The following ANK1 variants were observed in gnomAD, a reference collection of about 807,000 sequenced individuals.
The protein encoded by ANK1 is ankyrin-1.
In ANK1, 51 loss-of-function variants were observed where a neutral mutation model predicts 210.4. That is an observed-to-expected ratio of 0.24 (90% CI 0.19 to 0.31). The LOEUF (loss-of-function observed/expected upper bound fraction) is 0.31, where lower values mean the gene tolerates loss of function less well. Among genes scored for constraint, ANK1 ranks in the 10% least tolerant of loss-of-function variants. The probability of loss-of-function intolerance (pLI) is 1.00; values close to 1 mark genes in which losing one functional copy is unlikely to be tolerated. For synonymous variants in ANK1, 967 were observed against 1,025.9 expected, an observed-to-expected ratio of 0.94 and a Z score of 1.10; for missense variants, 2,051 against 2,504.4, an observed-to-expected ratio of 0.82 and a Z score of 3.86.
At chr8:41,744,306 T>G (rs965776286) in intron 2 of ANK1, among the ~76,000 whole-genome samples, 1 of 152,112 alleles carries the variant, frequency 6.6e-6, no homozygotes, top group South Asian at 2.1e-4. Flanking sequence ...ATGATGGAAA[T>G]GAGGAATCAC....
chr8:41,844,125 G>C (rs1231855476), intron 1 of ANK1, among the ~76,000 whole-genome samples: 1 of 152,144 alleles, frequency 6.6e-6, no homozygotes, highest in Non-Finnish European at 1.5e-5. Context: ...CTCCCACCTC[G>C]GCTTCCCAAA....
chr8:41,686,425 G>T, intron 35 of ANK1, 142 bp from the exon 36 acceptor site: 1 of 1,023,012 alleles, frequency 9.8e-7, no homozygotes, highest in Non-Finnish European at 1.5e-6. Flanking sequence ...CTCCCTGTGG[G>T]TTTGGTCTTC....
intron 1 of ANK1, among the ~76,000 whole-genome samples, chr8:41,831,432 G>C (rs1340157293): frequency 6.6e-6 from 1 of 152,140 alleles, no homozygotes; most frequent in African/African-American, 2.4e-5. Context: ...CGGATCACTT[G>C]AAGTCAAAAG....
chr8:41,717,037 C>T lies in ANK1; in HGVS notation c.1320G>A (p.Pro440=), dbSNP rs28533718. ...PNVSNVKVET[P]LHMAARAGHT... ...GCCCGGCTCTGGCTGCCATGTGTAGCGGGGTCTCCACTTTCTATAAAATAA... is the reference window on the plus strand; with the variant it reads ...GCCCGGCTCTGGCTGCCATGTGTAGTGGGGTCTCCACTTTCTATAAAATAA... The change falls in exon 13 of 43, where the codon CCG becomes CCA. Residue 440 remains proline, a synonymous_variant. Coordinates refer to ENST00000289734, the MANE Select transcript of ANK1 (RefSeq NM_000037.4). 28,350 of 1,614,124 alleles carry T rather than the reference C, an allele frequency of 0.018. 515 individuals are homozygous for T. Among genetic ancestry groups the T allele is most frequent in the African/African-American group, 0.091 (6,857 of 75,036 alleles).
chr8:41,743,570 C>A (rs1381716471), intron 2 of ANK1, among the ~76,000 whole-genome samples: 2 of 152,120 alleles, frequency 1.3e-5, no homozygotes, highest in East Asian at 3.9e-4. Flanking sequence ...AGGTGCCCTG[C>A]AGGGCATGGG....
chr8:41,762,305 G>A (rs529393089), intron 1 of ANK1, among the ~76,000 whole-genome samples: 1 of 152,082 alleles, frequency 6.6e-6, no homozygotes, highest in Non-Finnish European at 1.5e-5. Flanking sequence ...CTGCATGAAT[G>A]ACACTATGCT....
intron 1 of ANK1, among the ~76,000 whole-genome samples, chr8:41,760,419 A>G (rs1840136687): frequency 1.3e-5 from 2 of 152,130 alleles, no homozygotes; most frequent in Non-Finnish European, 2.9e-5. Context: ...CTCTTCCTTC[A>G]TCTTCTGCCA....
chr8:41,816,691 A>G (rs1365931361), intron 1 of ANK1, among the ~76,000 whole-genome samples: 1 of 152,138 alleles, frequency 6.6e-6, no homozygotes, highest in Non-Finnish European at 1.5e-5. Flanking sequence ...AAGCGTCCCA[A>G]AGTGTTGGGA....
chr8:41,665,546 TAC>T, intron 39 of ANK1: 1 of 328,614 alleles, frequency 3.0e-6, no homozygotes, highest in South Asian at 2.4e-5. Flanking sequence ...CAGAAAATAA[TAC>T]AGTCCGAGAA....
rs142448089 is a variant in ANK1 at position 41,766,020 on chromosome 8, C to T, written c.28-7883G>A. Among the ~76,000 whole-genome samples the T allele has an allele frequency of 5.5e-3, 839 of 152,268 alleles. 8 individuals carry two copies. Among genetic ancestry groups the T allele is most frequent in the Non-Finnish European group, 7.8e-3 (530 of 68,014 alleles). On this transcript the variant is annotated intron_variant, in intron 1 of 42. Transcript: ENST00000289734. ...ACCTCAAGATTTTTAGTACAAAATT[C>T]CTATCTAGAAAGGCGAATGGAAACT...
At position 41,694,088 on chromosome 8, in the gene ANK1, C is replaced by T. The variant is rs374102892; in HGVS notation, c.3342G>A (p.Pro1114=). 56 of 1,613,890 alleles carry T rather than the reference C, an allele frequency of 3.5e-5. No homozygotes were observed. The highest frequency in any genetic ancestry group is 8.3e-5 in the Admixed American group (5 of 60,002). ...CCAGGAGCTTAGTGACAAGCTCATC[C>T]GGGACAGGCTGGGCCTGTGAAATGA... The part of the protein sequence containing the change: ...VKLALQAQPV[P]DELVTKLLGN... Residue 1114 remains proline (P), a synonymous_variant, in exon 29 of 43, where the codon CCG becomes CCA. Transcript: ENST00000289734. This position sits in a 1 kb window ranked among gnomAD's most constrained non-coding sequence, Gnocchi z 5.7.
chr8:41,699,730 T>G (rs1385006245), intron 22 of ANK1, among the ~76,000 whole-genome samples, 182 bp from the exon 23 acceptor site: 2 of 152,184 alleles, frequency 1.3e-5, no homozygotes, highest in Non-Finnish European at 2.9e-5. Flanking sequence ...AGCTCTGGGA[T>G]AGAGAGCAGG....
intron 37 of ANK1, among the ~76,000 whole-genome samples, chr8:41,680,488 G>C (rs1268878980): frequency 6.6e-6 from 1 of 151,646 alleles, no homozygotes; most frequent in South Asian, 2.1e-4. Context: ...ACTTGAACCC[G>C]GGAGGCAGAG....
At chr8:41,666,353 G>A (rs1378095856) in intron 39 of ANK1, among the ~76,000 whole-genome samples, 3 of 152,244 alleles carry the variant, frequency 2.0e-5, no homozygotes, top group East Asian at 3.8e-4. Context: ...GGAAACAGAA[G>A]CAAAGTATTC....
In ANK1 at chr8:41,722,089, T is replaced by A. The variant is rs73619356; in HGVS notation, c.909+1036A>T. ...TAGCTTTTGAAGACATTATCTCACA[T>A]GGTCATCCCAATAATCCTAGGAGAG... On this transcript the variant is annotated intron_variant, in intron 9 of 42. Transcript: ENST00000289734. Among the ~76,000 whole-genome samples, 1,357 of 152,328 alleles carry A rather than the reference T, an allele frequency of 8.9e-3. 20 individuals are homozygous for A. Among genetic ancestry groups the A allele is most frequent in the African/African-American group, 0.031 (1,280 of 41,568 alleles).
chr8:41,896,018 C>A (rs961434773), intron 1 of ANK1, among the ~76,000 whole-genome samples: 6 of 152,204 alleles, frequency 3.9e-5, no homozygotes, highest in Admixed American at 3.9e-4. Flanking sequence ...CAGCCGGCAG[C>A]CAAGGCCGGG....
At chr8:41,838,902 C>A (rs1587340854) in intron 1 of ANK1, among the ~76,000 whole-genome samples, 1 of 152,116 alleles carries the variant, frequency 6.6e-6, no homozygotes, top group African/African-American at 2.4e-5. Context: ...CATGGTGAAA[C>A]CCTGCCTCTA....
At position 41,706,170 on chromosome 8, in the gene ANK1, G is replaced by A. The variant is rs766385545; in HGVS notation, c.2070C>T (p.His690=). The change falls in exon 18 of 43, where the codon CAC becomes CAT. Residue 690 remains histidine (H), a synonymous_variant. Coordinates refer to ENST00000289734, the MANE Select transcript of ANK1 (RefSeq NM_000037.4). ...HVPVADVLIK[H]GVMVDATTRM... is the part of the protein sequence containing the mutation. ...GGGTGGTGGCGTCCACCATGACGCC[G>A]TGTTTGATCAGCACATCTGCCACTG... 90 of 1,613,948 alleles carry A rather than the reference G, an allele frequency of 5.6e-5. No individual in the cohort carries two copies. The highest frequency in any genetic ancestry group is 7.4e-5 in the Non-Finnish European group (87 of 1,179,936).
At chr8:41,700,526 A>T (rs1414313891) in intron 22 of ANK1, 4 of 1,464,060 alleles carry the variant, frequency 2.7e-6, no homozygotes, top group Admixed American at 3.4e-5. Context: ...GGCATATATT[A>T]TCCAAAGGAG....
Sources: gnomAD v4.1 joint callset for allele counts (sites outside exome capture counted in the v4.1 genomes callset) on GRCh38, gnomAD v4.1.1 for gene constraint, Gnocchi (gnomAD v3.1) non-coding constraint, MANE v1.5 for transcripts, NCBI Gene and HGNC (gene_info 2026-07-23, HGNC 2026-07-21) for gene names.